Variants in CCDC40 observed in about 807,000 individuals in gnomAD.
The protein encoded by CCDC40 is coiled-coil domain 40 molecular ruler complex subunit.
CCDC40 carries 104 observed loss-of-function variants against 124.5 expected under a neutral mutation model. That is an observed-to-expected ratio of 0.84 (90% CI 0.71 to 0.98). The LOEUF (loss-of-function observed/expected upper bound fraction) is 0.98, where lower values mean the gene tolerates loss of function less well. CCDC40 is among the 50% of genes least tolerant of loss of function. The pLI, the probability that CCDC40 is intolerant of heterozygous loss-of-function variation, is 0.00. For synonymous variants in CCDC40, 580 were observed against 602.9 expected (o/e 0.96, Z 0.56); for missense variants, 1,463 against 1,503.9 (o/e 0.97, Z 0.45).
chr17:80,098,486 A>G (rs2038851354), intron 19 of CCDC40, among the ~76,000 whole-genome samples: 1 of 152,248 alleles, frequency 6.6e-6, no homozygotes, highest in African/African-American at 2.4e-5. Context: ...CAGGCTCTGC[A>G]TATGCGTTAT....
At chr17:80,064,483 C>A (rs1004684355) in intron 9 of CCDC40, among the ~76,000 whole-genome samples, 6 of 152,154 alleles carry the variant, frequency 3.9e-5, no homozygotes, top group African/African-American at 1.4e-4. Flanking sequence ...ACTCACTTGA[C>A]CCGGCAGCCC....
intron 18 of CCDC40, among the ~76,000 whole-genome samples, chr17:80,096,384 A>G (rs1010851154): frequency 3.9e-5 from 6 of 152,026 alleles, no homozygotes; most frequent in Non-Finnish European, 7.4e-5. Flanking sequence ...AATGGCAGAC[A>G]TGCATGGGCT....
At position 80,095,355 on chromosome 17, in the gene CCDC40, C is replaced by G. The variant is rs776232255; in HGVS notation, c.2925C>G (p.Ala975=). Residue 975 remains alanine (A), a synonymous_variant, in exon 18 of 20, where the codon GCC becomes GCG. Coordinates refer to ENST00000397545, the MANE Select transcript of CCDC40 (RefSeq NM_017950.4). The part of the protein sequence containing the change: ...VARRETVTTQ[A]EGQRKMDRKA... ...GCAGAGAGACCGTCACCACCCAGGC[C>G]GAGGGGCAGCGCAAGATGGACAGGA... 4 of 1,613,976 alleles carry G rather than the reference C, an allele frequency of 2.5e-6. No homozygotes were observed. The highest frequency in any genetic ancestry group is 2.7e-5 in the African/African-American group (2 of 74,940).
At chr17:80,055,430 G>C (rs982837626) in intron 7 of CCDC40, among the ~76,000 whole-genome samples, 2 of 152,092 alleles carry the variant, frequency 1.3e-5, no homozygotes, top group African/African-American at 4.8e-5. Context: ...ATTCATAATA[G>C]CTATAACAAC....
chr17:80,059,094 G>A, intron 9 of CCDC40, 114 bp downstream of exon 9: 2 of 1,340,330 alleles, frequency 1.5e-6, no homozygotes, highest in South Asian at 2.4e-5. Flanking sequence ...AGTGACTGCA[G>A]CCAGCTTACA....
At chr17:80,088,234 G>T (rs954030785) in intron 16 of CCDC40, 132 bp downstream of exon 16, 5 of 729,406 alleles carry the variant, frequency 6.9e-6, no homozygotes, top group East Asian at 5.4e-5. Context: ...GTCATTTTTT[G>T]TTGTTGTTTT....
rs1172736941 is a variant in CCDC40 at position 80,090,390 on chromosome 17, A to G, written c.2832+506A>G. 206 of 817,102 alleles carry G rather than the reference A, an allele frequency of 2.5e-4. 8 individuals are homozygous for G. The African/African-American group carries it at 3.8e-3, about 15-fold the overall frequency. The allele number at this position is 817,102 out of a possible 1,614,324, so 50.6% of individuals were successfully genotyped here. A position where few individuals can be genotyped will look rare whatever the true frequency, so the allele number is the denominator to read the frequency against. On this transcript the variant is annotated intron_variant, in intron 17 of 19. Coordinates refer to ENST00000397545, the MANE Select transcript of CCDC40 (RefSeq NM_017950.4). ...TGCACGAACACAGGACACACACAGC[A>G]CGTGCATGAACAACACAGGACACAC... is the stretch of plus-strand genomic sequence containing the variant.
In CCDC40 at chr17:80,090,216, G is replaced by A. The variant is rs4889953; in HGVS notation, c.2832+332G>A. 2.9e-5 allele frequency: 18 copies of A among 612,950 alleles called. 4 individuals are homozygous for A. The highest frequency in any genetic ancestry group is 1.6e-4 in the South Asian group (5 of 31,774). The allele number at this position is 612,950 out of a possible 1,614,324, so 38.0% of individuals were successfully genotyped here. ...GGACGCACGCAGGCACGTGCACGAA[G>A]AACACGGGACGCGCGCAGGCACGTG... On this transcript the variant is annotated intron_variant, in intron 17 of 19. Coordinates refer to ENST00000397545, the MANE Select transcript of CCDC40 (RefSeq NM_017950.4).
intron 9 of CCDC40, among the ~76,000 whole-genome samples, chr17:80,060,672 C>T (rs1037995300): frequency 5.9e-5 from 9 of 152,212 alleles, no homozygotes; most frequent in East Asian, 1.9e-4. Flanking sequence ...GCCTGGGCTA[C>T]GGAGCAAGAC....
Position 80,099,829 on chromosome 17 carries a change from G to C in CCDC40, c.*54G>C, listed in dbSNP as rs1317585975. 8.1e-6 allele frequency: 13 copies of C among 1,597,382 alleles called. No homozygotes were observed. Among genetic ancestry groups the C allele is most frequent in the Non-Finnish European group, 1.0e-5 (12 of 1,172,224 alleles). ...CCTCCAGGAAGAGATCCGGAATTGT[G>C]TTTGTCATGAGGGACTTGGAATCTT... is the stretch of plus-strand genomic sequence containing the variant. On this transcript the variant is annotated 3_prime_UTR_variant, in exon 20 of 20. Coordinates refer to ENST00000397545, the MANE Select transcript of CCDC40 (RefSeq NM_017950.4).
At chr17:80,091,788 AGACTATG>A in intron 17 of CCDC40, among the ~76,000 whole-genome samples, 1 of 151,650 alleles carries the variant, frequency 6.6e-6, no homozygotes, top group Non-Finnish European at 1.5e-5. Context: ...TTTTTCTTCT[AGACTATG>A]TTCCCAAAGG....
chr17:80,095,855 A>G (rs2038801636), intron 18 of CCDC40, among the ~76,000 whole-genome samples: 1 of 152,232 alleles, frequency 6.6e-6, no homozygotes, highest in Admixed American at 6.5e-5. Flanking sequence ...GTTCTGGGGA[A>G]GAGGCCAGCT....
intron 9 of CCDC40, among the ~76,000 whole-genome samples, chr17:80,064,222 C>T (rs1162113643): frequency 2.6e-5 from 4 of 152,172 alleles, no homozygotes; most frequent in South Asian, 2.1e-4. Context: ...CTCTCATGCC[C>T]GGCGCTGCCC....
chr17:80,045,485 C>T (rs906010709), intron 3 of CCDC40, among the ~76,000 whole-genome samples: 2 of 152,136 alleles, frequency 1.3e-5, no homozygotes, highest in African/African-American at 4.8e-5. Flanking sequence ...GGGTGGATCA[C>T]TTGAGGTCAG....
intron 1 of CCDC40, 93 bp from the exon 2 acceptor site, chr17:80,038,026 CAAGT>C: frequency 1.3e-6 from 1 of 799,210 alleles, no homozygotes; most frequent in South Asian, 1.4e-5. Flanking sequence ...AGAGAAGTAA[CAAGT>C]AAATAAACAG....
In CCDC40 at chr17:80,066,149, G is replaced by C; in HGVS notation, c.1562+543G>C. The C allele has an allele frequency of 1.4e-6, 1 of 702,986 alleles. No individual in the cohort carries two copies. The highest frequency in any genetic ancestry group is 2.6e-6 in the Non-Finnish European group (1 of 385,008). 43.5% of individuals were successfully genotyped at this position (702,986 alleles called of 1,614,324 possible). On this transcript the variant is annotated intron_variant, in intron 10 of 19. Transcript: ENST00000397545. The surrounding 1 kb of genome is among the most constrained non-coding windows in gnomAD (Gnocchi z 4.4). ...CCAGGGTGACCAGGTCTCGGGACGC[G>C]GAAAGAAAAAGCCGGGCACTGTGGT...
At chr17:80,037,695 A>ATATATATATATATG (rs2037146047) in intron 1 of CCDC40, among the ~76,000 whole-genome samples, 2 of 48,558 alleles carry the variant, frequency 4.1e-5, no homozygotes, top group African/African-American at 1.6e-4. Context: ...AAAAAGATAT[A>ATATATATATATATG]CATATATATA....
At chr17:80,041,207 C>T (rs867249684) in intron 3 of CCDC40, among the ~76,000 whole-genome samples, 9 of 152,094 alleles carry the variant, frequency 5.9e-5, no homozygotes, top group Non-Finnish European at 1.0e-4. Context: ...GGGACACAAC[C>T]ATCAAAATCT....
intron 9 of CCDC40, 138 bp downstream of exon 9, chr17:80,059,118 G>A: frequency 9.1e-7 from 1 of 1,101,720 alleles, no homozygotes; most frequent in Non-Finnish European, 1.4e-6. Context: ...GCAAACATCG[G>A]GCCCTCCCCA....
Sources: gnomAD v4.1 joint callset for allele counts (sites outside exome capture counted in the v4.1 genomes callset) on GRCh38, gnomAD v4.1.1 for gene constraint, Gnocchi (gnomAD v3.1) non-coding constraint, MANE v1.5 for transcripts, NCBI Gene and HGNC (gene_info 2026-07-23, HGNC 2026-07-21) for gene names.